GRIA1: variants seen among roughly 807,000 people sequenced by gnomAD.
GRIA1 encodes glutamate ionotropic receptor AMPA type subunit 1.
A neutral mutation model predicts 99.2 loss-of-function variants in GRIA1; 31 were observed. The ratio of observed to expected loss-of-function variants is 0.31; its 90% confidence interval spans 0.23 to 0.42. The LOEUF (loss-of-function observed/expected upper bound fraction) is 0.42. Among genes scored for constraint, GRIA1 ranks in the 10% least tolerant of loss-of-function variants. The pLI is 1.00. For synonymous variants in GRIA1, 438 were observed against 432.4 expected (o/e 1.01, Z -0.16); for missense variants, 782 against 1,157.5 (o/e 0.68, Z 4.71).
intron 2 of GRIA1, among the ~76,000 whole-genome samples, chr5:153,578,943 C>T (rs1365686531): frequency 2.0e-5 from 3 of 152,006 alleles, no homozygotes; most frequent in Non-Finnish European, 4.4e-5. Flanking sequence ...AGAATTTCGC[C>T]CAGTCACTGA....
intron 2 of GRIA1, among the ~76,000 whole-genome samples, chr5:153,583,621 T>A (rs1417205738): frequency 1.3e-5 from 2 of 152,184 alleles, no homozygotes; most frequent in Admixed American, 6.5e-5. Context: ...CCTAACTTTT[T>A]ATGTCTACAA....
At chr5:153,697,584 A>T (rs1758205057) in intron 8 of GRIA1, among the ~76,000 whole-genome samples, 1 of 152,194 alleles carries the variant, frequency 6.6e-6, no homozygotes, top group Admixed American at 6.5e-5. Flanking sequence ...TAGATGGAAA[A>T]ATACAGTTAA....
intron 10 of GRIA1, among the ~76,000 whole-genome samples, chr5:153,702,668 C>A (rs1758611136): frequency 6.6e-6 from 1 of 152,194 alleles, no homozygotes; most frequent in African/African-American, 2.4e-5. Context: ...ATTAGAAATG[C>A]AGATGTTCAC....
intron 13 of GRIA1, among the ~76,000 whole-genome samples, chr5:153,783,988 A>G (rs759390546): frequency 6.6e-6 from 1 of 152,202 alleles, no homozygotes; most frequent in Non-Finnish European, 1.5e-5. Context: ...ACATGTGCCA[A>G]TGCAGAGGTG....
chr5:153,624,564 A>G (rs185717009), intron 2 of GRIA1, among the ~76,000 whole-genome samples: 1 of 152,370 alleles, frequency 6.6e-6, no homozygotes, highest in East Asian at 1.9e-4. Flanking sequence ...AAGATTTTAC[A>G]GTACCAGGAA....
intron 13 of GRIA1, among the ~76,000 whole-genome samples, chr5:153,792,315 C>T (rs1225347630): frequency 1.3e-5 from 2 of 152,172 alleles, no homozygotes; most frequent in Non-Finnish European, 2.9e-5. Flanking sequence ...CTATTGACCC[C>T]AAACAGGATT....
chr5:153,717,105 G>A (rs1474849061), intron 11 of GRIA1, among the ~76,000 whole-genome samples: 1 of 152,166 alleles, frequency 6.6e-6, no homozygotes, highest in Admixed American at 6.5e-5. Context: ...TTATGGTCTT[G>A]CTGATCCAAA....
At chr5:153,758,432 T>C (rs1397096075) in intron 11 of GRIA1, among the ~76,000 whole-genome samples, 1 of 151,780 alleles carries the variant, frequency 6.6e-6, no homozygotes, top group African/African-American at 2.4e-5. Context: ...AAAAAGTACA[T>C]TTTCAGGAAA....
intron 5 of GRIA1, among the ~76,000 whole-genome samples, chr5:153,664,231 T>C (rs1317922543): frequency 6.6e-6 from 1 of 152,234 alleles, no homozygotes; most frequent in Non-Finnish European, 1.5e-5. Flanking sequence ...CACTGTTCTC[T>C]AAGAATCTGA....
chr5:153,603,693 G>A (rs1427154083), intron 2 of GRIA1, among the ~76,000 whole-genome samples: 3 of 152,160 alleles, frequency 2.0e-5, no homozygotes, highest in African/African-American at 7.2e-5. Flanking sequence ...AGGAGTAGTG[G>A]CCTCACCAAT....
At chr5:153,492,182 T>C in intron 1 of GRIA1, 1 of 1,523,404 alleles carries the variant, frequency 6.6e-7, no homozygotes, top group Non-Finnish European at 8.8e-7. Context: ...GTGCAATTGA[T>C]ATTTTGTCGG....
intron 15 of GRIA1, among the ~76,000 whole-genome samples, chr5:153,804,138 C>G (rs1335932760): frequency 6.6e-6 from 1 of 152,166 alleles, no homozygotes; most frequent in Non-Finnish European, 1.5e-5. Context: ...GCAACTTCTC[C>G]AAGACACAAC....
chr5:153,502,579 C>T (rs1275547226), intron 2 of GRIA1, among the ~76,000 whole-genome samples: 1 of 152,136 alleles, frequency 6.6e-6, no homozygotes, highest in East Asian at 1.9e-4. Flanking sequence ...ATTTCTGATT[C>T]AAGCCCTGGG....
chr5:153,617,467 G>C (rs1766612752), intron 2 of GRIA1, among the ~76,000 whole-genome samples: 1 of 152,142 alleles, frequency 6.6e-6, no homozygotes, highest in South Asian at 2.1e-4. Context: ...TGTTTATCTG[G>C]AAACATGGGA....
Position 153,500,720 on chromosome 5 carries a change from A to G in GRIA1, c.220+6655A>G, listed in dbSNP as rs1400422575. Among the ~76,000 whole-genome samples the G allele has an allele frequency of 5.3e-5, 8 of 151,250 alleles. No individual in the cohort carries two copies. In the East Asian group the frequency reaches 1.4e-3, roughly 26 times the overall value. ...AGGTTTCATAAAACAAGGACATTTG[A>G]GTTGAATTTGGAAAGATAGGTAGGA... On this transcript the variant is annotated intron_variant, in intron 2 of 15. Coordinates refer to ENST00000285900, the MANE Select transcript of GRIA1 (RefSeq NM_000827.4).
intron 2 of GRIA1, among the ~76,000 whole-genome samples, chr5:153,568,425 C>T (rs1761838522): frequency 6.6e-6 from 1 of 152,096 alleles, no homozygotes; most frequent in Non-Finnish European, 1.5e-5. Context: ...AATTAGTATG[C>T]ATGTTAAAGC....
intron 2 of GRIA1, among the ~76,000 whole-genome samples, chr5:153,582,247 C>T (rs1763107573): frequency 6.6e-6 from 1 of 152,162 alleles, no homozygotes; most frequent in Non-Finnish European, 1.5e-5. Flanking sequence ...TTTATGTTAG[C>T]ACCTTTGGGC....
intron 1 of GRIA1, among the ~76,000 whole-genome samples, chr5:153,491,640 G>C (rs1013040108): frequency 1.3e-5 from 2 of 151,828 alleles, no homozygotes; most frequent in Non-Finnish European, 1.5e-5. Flanking sequence ...CCTTTTCTCC[G>C]TTCCTTCCTT....
intron 11 of GRIA1, among the ~76,000 whole-genome samples, chr5:153,712,697 C>T (rs1356448124): frequency 6.6e-6 from 1 of 152,284 alleles, no homozygotes; most frequent in East Asian, 1.9e-4. Flanking sequence ...AAAATGCAAA[C>T]GTCATTTAGG....
Sources: gnomAD v4.1 joint callset for allele counts (sites outside exome capture counted in the v4.1 genomes callset) on GRCh38, gnomAD v4.1.1 for gene constraint, MANE v1.5 for transcripts, NCBI Gene and HGNC (gene_info 2026-07-23, HGNC 2026-07-21) for gene names.